Variants in SIDT1 observed in about 807,000 individuals in gnomAD.
SIDT1 encodes SID1 transmembrane family, member 1.
Under a neutral mutation model 107.5 loss-of-function variants are expected in SIDT1, and 101 were observed. The observed-to-expected ratio is 0.94, with a 90% CI of 0.80 to 1.11. The LOEUF is 1.11. SIDT1 is among the 50% of genes least tolerant of loss of function. The pLI is 0.00. For synonymous variants in SIDT1, 395 were observed against 398.2 expected, an observed-to-expected ratio of 0.99 and a Z score of 0.10; for missense variants, 1,076 against 1,058.2, an observed-to-expected ratio of 1.02 and a Z score of -0.23.
At chr3:113,541,808 A>G (rs1172175008) in intron 1 of SIDT1, among the ~76,000 whole-genome samples, 1 of 151,332 alleles carries the variant, frequency 6.6e-6, no homozygotes, top group Non-Finnish European at 1.5e-5. Flanking sequence ...GTGAAAATAA[A>G]ATTTTTTTCC....
chr3:113,624,917 T>C (rs1197334293), intron 23 of SIDT1, among the ~76,000 whole-genome samples: 1 of 152,232 alleles, frequency 6.6e-6, no homozygotes, highest in East Asian at 1.9e-4. Context: ...TGTAGGTGTA[T>C]GTACATTGTC....
At chr3:113,575,409 GA>G (rs1942821895) in intron 3 of SIDT1, among the ~76,000 whole-genome samples, 1 of 152,200 alleles carries the variant, frequency 6.6e-6, no homozygotes. Context: ...CCAGACTGCT[GA>G]AAGGGCTCTA....
At chr3:113,565,567 C>A (rs1941823591) in intron 1 of SIDT1, among the ~76,000 whole-genome samples, 1 of 152,116 alleles carries the variant, frequency 6.6e-6, no homozygotes, top group Non-Finnish European at 1.5e-5. Context: ...AACACCAACA[C>A]TATCTAAATC....
intron 3 of SIDT1, among the ~76,000 whole-genome samples, chr3:113,568,370 G>C (rs1560048172): frequency 6.6e-6 from 1 of 151,800 alleles, no homozygotes; most frequent in Non-Finnish European, 1.5e-5. Context: ...CCGAGGAGGT[G>C]GATCACGAGG....
chr3:113,579,152 T>C (rs569853362), intron 4 of SIDT1, among the ~76,000 whole-genome samples: 5 of 152,302 alleles, frequency 3.3e-5, no homozygotes, highest in Admixed American at 2.6e-4. Flanking sequence ...AGGACCCAGA[T>C]AGTGATTTTT....
chr3:113,607,043 G>A lies in SIDT1; in HGVS notation c.1407G>A (p.Val469=), dbSNP rs201020383. The part of the protein sequence containing the change: ...VIQLVITYQT[V]VNVTGNQDIC... ...TCTTCTCACTCTTGATTTTACAGGT[G>A]GTAAATGTCACTGGCAACCAGGACA... Residue 469 remains valine (V), a splice_region_variant and synonymous_variant, in exon 15 of 25, where the codon GTG becomes GTA. Coordinates refer to ENST00000264852, the MANE Select transcript of SIDT1 (RefSeq NM_017699.3). 12 of 1,604,670 alleles carry A rather than the reference G, an allele frequency of 7.5e-6. No homozygotes were observed. The East Asian group carries it at 2.7e-4, about 36-fold the overall frequency.
At chr3:113,599,144 A>G (rs1011146925) in intron 10 of SIDT1, among the ~76,000 whole-genome samples, 2 of 152,244 alleles carry the variant, frequency 1.3e-5, no homozygotes, top group African/African-American at 4.8e-5. Flanking sequence ...ATAAATAAAT[A>G]AAATAAAATA....
Position 113,601,952 on chromosome 3 carries a change from G to T in SIDT1, c.1117+293G>T, listed in dbSNP as rs549563075. 7 of 288,352 alleles carry T rather than the reference G, an allele frequency of 2.4e-5. No homozygotes were observed. In the South Asian group the frequency reaches 4.4e-4, roughly 18 times the overall value. 17.9% of individuals were successfully genotyped at this position (288,352 alleles called of 1,614,324 possible). A position where few individuals can be genotyped will look rare whatever the true frequency, so the allele number is the denominator to read the frequency against. ...TAGGGACTTTTTCATATCCAGCCCGGGTTTAGGGCATGAAAGATGTGTCCC... is the reference window on the plus strand; with the variant it reads ...TAGGGACTTTTTCATATCCAGCCCGTGTTTAGGGCATGAAAGATGTGTCCC... On this transcript the variant is annotated intron_variant, in intron 11 of 24. Coordinates refer to ENST00000264852, the MANE Select transcript of SIDT1 (RefSeq NM_017699.3).
rs1560047140 is a variant in SIDT1 at position 113,567,722 on chromosome 3, T to C, written c.515+12T>C. On this transcript the variant is annotated intron_variant, in intron 3 of 24. Transcript: ENST00000264852. ...CACTTCCAGCTCCGGTAAGCGGGAC[T>C]TTCTCTGTTTACCTGTCTGTGTTTC... 3 of 1,612,482 alleles carry C rather than the reference T, an allele frequency of 1.9e-6. No individual in the cohort carries two copies. Among genetic ancestry groups the C allele is most frequent in the Non-Finnish European group, 2.5e-6 (3 of 1,178,980 alleles).
chr3:113,552,035 G>A (rs981087193), intron 1 of SIDT1, among the ~76,000 whole-genome samples: 2 of 152,074 alleles, frequency 1.3e-5, no homozygotes, highest in East Asian at 1.9e-4. Context: ...AGGACTAACC[G>A]ACTGTTTCTG....
At chr3:113,596,808 G>GCAA (rs1944589654) in intron 10 of SIDT1, among the ~76,000 whole-genome samples, 3 of 152,200 alleles carry the variant, frequency 2.0e-5, no homozygotes, top group Non-Finnish European at 4.4e-5. Context: ...CCAGGAACTG[G>GCAA]GGTACAACAG....
At chr3:113,597,372 C>T (rs1031576318) in intron 10 of SIDT1, among the ~76,000 whole-genome samples, 1 of 151,920 alleles carries the variant, frequency 6.6e-6, no homozygotes, top group African/African-American at 2.4e-5. Context: ...TGGCATGTAC[C>T]TGTAGTCCCA....
Position 113,627,764 on chromosome 3 carries a change from A to G in SIDT1, c.*56A>G. 6.5e-7 allele frequency: 1 copy of G among 1,540,236 alleles called. No individual in the cohort carries two copies. Among genetic ancestry groups the G allele is most frequent in the African/African-American group, 1.4e-5 (1 of 73,612 alleles). ...ATCAATCTTGGTGCTGTTTCACAAA[A>G]ATTACAGTGACCACAGCAAAGTAAC... On this transcript the variant is annotated 3_prime_UTR_variant, in exon 25 of 25. Transcript: ENST00000264852.
intron 1 of SIDT1, among the ~76,000 whole-genome samples, chr3:113,565,127 A>G (rs1941781462): frequency 6.6e-6 from 1 of 152,250 alleles, no homozygotes; most frequent in Non-Finnish European, 1.5e-5. Context: ...CTAAGGCATT[A>G]GAAAAACAAA....
intron 23 of SIDT1, among the ~76,000 whole-genome samples, chr3:113,623,977 A>G (rs1946664862): frequency 6.6e-6 from 1 of 152,210 alleles, no homozygotes; most frequent in Admixed American, 6.5e-5. Flanking sequence ...TGCATGTTGT[A>G]TTACGACGCT....
intron 1 of SIDT1, among the ~76,000 whole-genome samples, chr3:113,565,099 G>T (rs188638667): frequency 6.6e-6 from 1 of 152,256 alleles, no homozygotes; most frequent in East Asian, 1.9e-4. Context: ...TCCTAATAAA[G>T]AAGTTTTCAA....
At chr3:113,624,244 C>A (rs1420013858) in intron 23 of SIDT1, among the ~76,000 whole-genome samples, 3 of 152,204 alleles carry the variant, frequency 2.0e-5, no homozygotes, top group Non-Finnish European at 4.4e-5. Flanking sequence ...TCATATGCAT[C>A]AGCATTCACT....
chr3:113,544,585 G>C (rs1939357634), intron 1 of SIDT1, among the ~76,000 whole-genome samples: 1 of 152,120 alleles, frequency 6.6e-6, no homozygotes, highest in South Asian at 2.1e-4. Context: ...AGTATAGCCA[G>C]GTTTGGAGAA....
At chr3:113,569,496 A>G (rs1942250192) in intron 3 of SIDT1, among the ~76,000 whole-genome samples, 1 of 152,188 alleles carries the variant, frequency 6.6e-6, no homozygotes, top group African/African-American at 2.4e-5. Context: ...GTTTATAAAA[A>G]CATCTGTAGC....
Sources: allele counts gnomAD v4.1 joint callset (sites outside exome capture counted in the v4.1 genomes callset), GRCh38; gene constraint gnomAD v4.1.1; transcripts MANE v1.5; gene names NCBI Gene and HGNC (gene_info 2026-07-23, HGNC 2026-07-21).